Variants in TM4SF18 observed in about 807,000 individuals in gnomAD.
TM4SF18 encodes transmembrane 4 L six family member 18, also known as transmembrane 4 L6 family member 18.
In TM4SF18, 22 loss-of-function variants were observed where a neutral mutation model predicts 23.8. That is an observed-to-expected ratio of 0.92 (90% CI 0.66 to 1.32). TM4SF18 has a LOEUF of 1.32. TM4SF18 is among the 40% of genes most tolerant of loss of function. TM4SF18 has a pLI of 0.00. For synonymous variants in TM4SF18, 87 were observed against 87.9 expected, an observed-to-expected ratio of 0.99 and a Z score of 0.06; for missense variants, 255 against 240.3, an observed-to-expected ratio of 1.06 and a Z score of -0.41.
intron 1 of TM4SF18, 31 bp downstream of exon 1, chr3:149,333,482 C>CTCTATTTTT: frequency 4.3e-6 from 1 of 235,256 alleles, no homozygotes; most frequent in Non-Finnish European, 6.8e-6. Flanking sequence ...CTCTCTCTCT[C>CTCTATTTTT]TTTTTTTTTT....
In TM4SF18 at chr3:149,333,405, G is replaced by T. The variant is rs143785031; in HGVS notation, c.-17-6C>A. On this transcript the variant is annotated splice_region_variant and splice_polypyrimidine_tract_variant and intron_variant, in intron 1 of 5. Transcript: ENST00000296059. ...CATTTTGCCCTGCTTAGAACCTGCG[G>T]GAGATTTCAAGAGTATACAGTCACA... is the stretch of plus-strand genomic sequence containing the variant. The T allele has an allele frequency of 5.1e-3, 8,050 of 1,586,968 alleles. 33 individuals carry two copies. Among genetic ancestry groups the T allele is most frequent in the Non-Finnish European group, 5.8e-3 (6,714 of 1,164,698 alleles).
Position 149,322,396 on chromosome 3 carries a change from G to T in TM4SF18, c.451C>A (p.Pro151Thr). ...ATGTTCCACTCCACAACATGTGCAG[G>T]TTCCAGGCACTGAATCCATATGCTA... ...DSSIWIQCLE[P>T]AHVVEWNIIL... Residue 151 changes from proline (P) to threonine (T), a missense_variant, in exon 5 of 6, where the codon CCT becomes ACT. Transcript: ENST00000296059. 2.5e-6 allele frequency: 4 copies of T among 1,614,034 alleles called. No individual in the cohort carries two copies. The highest frequency in any genetic ancestry group is 1.1e-5 in the South Asian group (1 of 91,046).
At chr3:149,330,247 C>A (rs1400493334) in intron 3 of TM4SF18, 83 bp downstream of exon 3, 3 of 854,184 alleles carry the variant, frequency 3.5e-6, no homozygotes, top group Admixed American at 2.1e-5. Context: ...GGGTATAATA[C>A]TGTCAATATT....
rs1408779419 is a variant in TM4SF18, at chr3:149,320,506, G to C, written c.*972C>G. On this transcript the variant is annotated 3_prime_UTR_variant, in exon 6 of 6. Transcript: ENST00000296059. ...TGCCCATTGAGCATGTTCCCTAGCTGCTCACTTATTTTAAGGCTACCTCTT... is the reference window on the plus strand; with the variant it reads ...TGCCCATTGAGCATGTTCCCTAGCTCCTCACTTATTTTAAGGCTACCTCTT... The C allele has an allele frequency of 6.6e-6, 1 of 152,162 alleles. No homozygotes were observed. Among genetic ancestry groups the C allele is most frequent in the Non-Finnish European group, 1.5e-5 (1 of 68,034 alleles). The allele number at this position is 152,162 out of a possible 1,614,324, so 9.4% of individuals were successfully genotyped here.
intron 2 of TM4SF18, among the ~76,000 whole-genome samples, chr3:149,332,405 C>G (rs1731105339): frequency 6.6e-6 from 1 of 152,124 alleles, no homozygotes; most frequent in Admixed American, 6.6e-5. Context: ...AGGAAATTGT[C>G]TTTTCCTCTG....
intron 4 of TM4SF18, among the ~76,000 whole-genome samples, chr3:149,323,988 C>T (rs966063750): frequency 6.6e-6 from 1 of 152,118 alleles, no homozygotes; most frequent in Non-Finnish European, 1.5e-5. Flanking sequence ...GCCATGTAGG[C>T]CTAGATGCAC....
At position 149,333,280 on chromosome 3, in the gene TM4SF18, T is replaced by A; in HGVS notation, c.103A>T (p.Thr35Ser). 1 of 1,613,960 alleles carries A rather than the reference T, an allele frequency of 6.2e-7. No individual in the cohort carries two copies. The highest frequency in any genetic ancestry group is 1.1e-5 in the South Asian group (1 of 91,054). Residue 35 changes from threonine to serine, a missense_variant, in exon 2 of 6, where the codon ACT becomes TCT. Thr to Ser is a moderately conservative substitution (Grantham distance 58). Coordinates refer to ENST00000296059, the MANE Select transcript of TM4SF18 (RefSeq NM_138786.4). The stretch of plus-strand genomic sequence containing the variant: ...AGTTTATTGCTGGATGCATAGGAAG[T>A]TTGCCCATTCGGGAAATACAATAAT... ...NILLYFPNGQ[T>S]SYASSNKLTN...
At chr3:149,326,895 A>C (rs1730961026) in intron 3 of TM4SF18, among the ~76,000 whole-genome samples, 1 of 152,090 alleles carries the variant, frequency 6.6e-6, no homozygotes, top group East Asian at 1.9e-4. Context: ...TTCCAGGTTC[A>C]TTTTGAGCTT....
At chr3:149,325,285 A>G (rs1264320822) in intron 3 of TM4SF18, among the ~76,000 whole-genome samples, 1 of 152,194 alleles carries the variant, frequency 6.6e-6, no homozygotes, top group Non-Finnish European at 1.5e-5. Flanking sequence ...GAATTTTGAT[A>G]TCAAAATAAT....
chr3:149,330,468 T>C (rs1043437527), intron 2 of TM4SF18, 49 bp from the exon 3 acceptor site: 20 of 1,305,398 alleles, frequency 1.5e-5, no homozygotes, highest in African/African-American at 5.9e-5. Flanking sequence ...CTAGTTTACA[T>C]TTGTGCTTAT....
At chr3:149,325,122 C>T in intron 3 of TM4SF18, 100 bp from the exon 4 acceptor site, 4 of 1,199,516 alleles carry the variant, frequency 3.3e-6, no homozygotes, top group South Asian at 1.4e-5. Context: ...CACCCAAGCT[C>T]ATGCAGTCTA....
At chr3:149,329,562 G>A (rs1369326979) in intron 3 of TM4SF18, among the ~76,000 whole-genome samples, 1 of 152,128 alleles carries the variant, frequency 6.6e-6, no homozygotes, top group Non-Finnish European at 1.5e-5. Flanking sequence ...CTATAAAATA[G>A]GAGCAATAAT....
chr3:149,333,474 C>CTT, intron 1 of TM4SF18, 39 bp downstream of exon 1: 1 of 500,852 alleles, frequency 2.0e-6, no homozygotes, highest in Non-Finnish European at 2.7e-6. Flanking sequence ...TTTTTTCTCT[C>CTT]TCTCTCTCTT....
At chr3:149,321,580 T>C (rs996605489) in intron 5 of TM4SF18, 88 bp from the exon 6 acceptor site, 5 of 818,348 alleles carry the variant, frequency 6.1e-6, no homozygotes, top group Non-Finnish European at 9.7e-6. Flanking sequence ...CTTAAACTTA[T>C]ATTTCATATT....
intron 4 of TM4SF18, among the ~76,000 whole-genome samples, chr3:149,322,890 C>T (rs1337442617): frequency 2.1e-5 from 3 of 139,584 alleles, no homozygotes; most frequent in African/African-American, 7.7e-5. Flanking sequence ...GAACTTTACC[C>T]CTCTGGCCTC....
rs770725957 is a variant in TM4SF18 at position 149,321,487 on chromosome 3, T to G, written c.597A>C (p.Gly199=). 6.4e-7 allele frequency: 1 copy of G among 1,573,936 alleles called. No individual in the cohort carries two copies. The highest frequency in any genetic ancestry group is 8.6e-7 in the Non-Finnish European group (1 of 1,157,066). Residue 199 remains glycine, a synonymous_variant, in exon 6 of 6, where the codon GGA becomes GGC. Coordinates refer to ENST00000296059, the MANE Select transcript of TM4SF18 (RefSeq NM_138786.4). ...CGSYSVIFQP[G]II is the part of the protein sequence containing the mutation. ...AACATTTTGTCCTTATTCAAATGATTCCAGGCTATAGGAAAAAAGGAAAAA... is the reference window on the plus strand; with the variant it reads ...AACATTTTGTCCTTATTCAAATGATGCCAGGCTATAGGAAAAAAGGAAAAA...
chr3:149,330,487 G>T, intron 2 of TM4SF18, 68 bp from the exon 3 acceptor site: 2 of 1,073,366 alleles, frequency 1.9e-6, no homozygotes, highest in Non-Finnish European at 2.8e-6. Flanking sequence ...ATAATCAGAG[G>T]ACAGCGTCTT....
At chr3:149,321,582 T>C in intron 5 of TM4SF18, 90 bp from the exon 6 acceptor site, 1 of 813,418 alleles carries the variant, frequency 1.2e-6, no homozygotes, top group Non-Finnish European at 2.0e-6. Flanking sequence ...TAAACTTATA[T>C]TTCATATTCA....
At chr3:149,333,478 C>CTA in intron 1 of TM4SF18, 35 bp downstream of exon 1, 21 of 438,412 alleles carry the variant, frequency 4.8e-5, no homozygotes, top group African/African-American at 7.1e-5. Flanking sequence ...TTCTCTCTCT[C>CTA]TCTCTTTTTT....
Sources: allele counts gnomAD v4.1 joint callset (sites outside exome capture counted in the v4.1 genomes callset), GRCh38; gene constraint gnomAD v4.1.1; transcripts MANE v1.5; gene names NCBI Gene and HGNC (gene_info 2026-07-23, HGNC 2026-07-21).